Variants in PCDHGA2 observed in about 807,000 individuals in gnomAD.
PCDHGA2 encodes protocadherin gamma subfamily A, 2.
PCDHGA2 carries 40 observed loss-of-function variants against 59.2 expected under a neutral mutation model. The observed-to-expected ratio is 0.68, with a 90% confidence interval of 0.52 to 0.88. The LOEUF (loss-of-function observed/expected upper bound fraction) is 0.88. Ranked by LOEUF, PCDHGA2 falls within the 40% of genes least tolerant of loss-of-function variation. The pLI, the probability that PCDHGA2 is intolerant of heterozygous loss-of-function variation, is 0.00. For missense variants in PCDHGA2, 1,226 were observed against 1,204.0 expected (o/e 1.02, Z -0.27); for synonymous variants, 560 against 526.0 (o/e 1.06, Z -0.89).
chr5:141,369,623 T>A (rs996291828), intron 1 of PCDHGA2, among the ~76,000 whole-genome samples: 4 of 152,224 alleles, frequency 2.6e-5, no homozygotes, highest in Admixed American at 2.6e-4. Flanking sequence ...CATTTCCTCA[T>A]TACCTTTAAC....
intron 1 of PCDHGA2, chr5:141,350,670 T>C (rs970651828): frequency 3.1e-6 from 5 of 1,613,886 alleles, no homozygotes; most frequent in Non-Finnish European, 4.2e-6. Context: ...GGCATTGACT[T>C]AGAAATTTGT....
intron 2 of PCDHGA2, among the ~76,000 whole-genome samples, chr5:141,499,675 T>A (rs1426498530): frequency 2.0e-5 from 3 of 150,746 alleles, no homozygotes; most frequent in African/African-American, 7.3e-5. Flanking sequence ...GTCTCCACCA[T>A]CTTTAACAGA....
chr5:141,383,405 G>C (rs189408749), intron 1 of PCDHGA2: 11 of 1,613,898 alleles, frequency 6.8e-6, no homozygotes, highest in Non-Finnish European at 8.5e-6. Context: ...TCCCTCCAGA[G>C]TTACCAGCTC....
chr5:141,385,620 T>G (rs2090301137), intron 1 of PCDHGA2: 1 of 1,063,712 alleles, frequency 9.4e-7, no homozygotes, highest in Middle Eastern at 3.9e-4. Flanking sequence ...TTTTATACAT[T>G]GGAATGAATC....
At chr5:141,415,562 CT>C in intron 1 of PCDHGA2, 3 of 1,613,960 alleles carry the variant, frequency 1.9e-6, no homozygotes, top group Non-Finnish European at 1.7e-6. Context: ...GATCCTTTGT[CT>C]TTGTTAGATG....
chr5:141,481,362 A>G (rs2099536613), intron 1 of PCDHGA2, among the ~76,000 whole-genome samples: 1 of 152,252 alleles, frequency 6.6e-6, no homozygotes, highest in African/African-American at 2.4e-5. Context: ...CAGCTGTTCA[A>G]TAGATATTGG....
intron 1 of PCDHGA2, chr5:141,399,627 C>T (rs751717107): frequency 1.2e-6 from 2 of 1,613,906 alleles, no homozygotes; most frequent in Non-Finnish European, 1.7e-6. Context: ...TGGCCTCTTA[C>T]GTGTCCATGA....
Position 141,489,368 on chromosome 5 carries a change from C to T in PCDHGA2, c.2425-5439C>T, listed in dbSNP as rs889945954. The T allele has an allele frequency of 1.2e-5, 20 of 1,613,264 alleles. No homozygotes were observed. The highest frequency in any genetic ancestry group is 1.6e-5 in the Non-Finnish European group (19 of 1,179,484). On this transcript the variant is annotated intron_variant, in intron 1 of 3. Transcript: ENST00000394576. The surrounding 1 kb of genome is among the most constrained non-coding windows in gnomAD (Gnocchi z 4.5). The stretch of plus-strand genomic sequence containing the variant: ...GTGGTGGAGGAGTCTGAGCCGGGGA[C>T]GCTGGTGGGGAATGTTGCTCAGGAT...
At chr5:141,365,918 T>C (rs773521729) in intron 1 of PCDHGA2, 8 of 1,613,992 alleles carry the variant, frequency 5.0e-6, no homozygotes, top group Non-Finnish European at 6.8e-6. Flanking sequence ...AGACCTACAG[T>C]TGTGGGTGAC....
chr5:141,338,960 G>T lies in PCDHGA2; in HGVS notation c.-12G>T. On this transcript the variant is annotated 5_prime_UTR_variant, in exon 1 of 4. Coordinates refer to ENST00000394576, the MANE Select transcript of PCDHGA2 (RefSeq NM_018915.4). ...TGGAAGTTGACTCGGAGAAAATTGC[G>T]ACAGGAGGGAAATGGCGGCTCTGCA... The T allele has an allele frequency of 6.6e-7, 1 of 1,524,796 alleles. No individual in the cohort carries two copies. Among genetic ancestry groups the T allele is most frequent in the South Asian group, 1.3e-5 (1 of 76,772 alleles). The allele number at this position is 1,524,796 out of a possible 1,614,324, so 94.5% of individuals were successfully genotyped here.
intron 1 of PCDHGA2, chr5:141,415,033 C>G (rs1207811183): frequency 1.2e-6 from 2 of 1,613,456 alleles, no homozygotes; most frequent in South Asian, 1.1e-5. Flanking sequence ...CGAGCCGGGA[C>G]TCTTCGCGGT....
intron 1 of PCDHGA2, chr5:141,393,987 T>C (rs1361027983): frequency 1.2e-6 from 2 of 1,613,490 alleles, no homozygotes; most frequent in Admixed American, 3.3e-5. Flanking sequence ...TAATTTACCT[T>C]TTAAATTAGA....
chr5:141,485,865 C>A lies in PCDHGA2; in HGVS notation c.2425-8942C>A. ...TCTGGCACCGCAGAGCTCCGGGTAT[C>A]CGTGCTGGACGTAAACGACAACGCC... On this transcript the variant is annotated intron_variant, in intron 1 of 3. Transcript: ENST00000394576. The surrounding 1 kb of genome is among the most constrained non-coding windows in gnomAD (Gnocchi z 5.7). 1 of 1,614,182 alleles carries A rather than the reference C, an allele frequency of 6.2e-7. No homozygotes were observed. The highest frequency in any genetic ancestry group is 8.5e-7 in the Non-Finnish European group (1 of 1,180,034).
At chr5:141,396,661 A>T (rs2093417070) in intron 1 of PCDHGA2, 1 of 152,162 alleles carries the variant, frequency 6.6e-6, no homozygotes, top group Admixed American at 6.5e-5. Flanking sequence ...AACTCGGTAT[A>T]GGCTATCCAT....
At chr5:141,363,369 A>G (rs1274938037) in intron 1 of PCDHGA2, among the ~76,000 whole-genome samples, 1 of 152,198 alleles carries the variant, frequency 6.6e-6, no homozygotes, top group Non-Finnish European at 1.5e-5. Context: ...TTTTCAATCA[A>G]GAGGTTTTTC....
At chr5:141,453,652 T>C (rs1302902554) in intron 1 of PCDHGA2, among the ~76,000 whole-genome samples, 1 of 152,252 alleles carries the variant, frequency 6.6e-6, no homozygotes, top group Non-Finnish European at 1.5e-5. Context: ...TTATGTCCTC[T>C]TCTTTCTTAC....
rs1467125550 is a variant in PCDHGA2 at position 141,511,799 on chromosome 5, T to G, written c.*626T>G. 6.4e-6 allele frequency: 1 copy of G among 157,228 alleles called. No homozygotes were observed. The highest frequency in any genetic ancestry group is 1.4e-5 in the Non-Finnish European group (1 of 70,874). 9.7% of individuals were successfully genotyped at this position (157,228 alleles called of 1,614,324 possible). ...TGCTTGCTGGATTTAGGGAGGGCAT[T>G]TTGCTACCAAGCCTCTTCCCAACGC... On this transcript the variant is annotated 3_prime_UTR_variant, in exon 4 of 4. Coordinates refer to ENST00000394576, the MANE Select transcript of PCDHGA2 (RefSeq NM_018915.4).
At chr5:141,420,406 T>C (rs2096494414) in intron 1 of PCDHGA2, 1 of 1,241,672 alleles carries the variant, frequency 8.1e-7, no homozygotes, top group Non-Finnish European at 1.1e-6. Context: ...AATTTATGGT[T>C]ATCATTATTA....
chr5:141,346,631 G>C, intron 1 of PCDHGA2: 1 of 974,094 alleles, frequency 1.0e-6, no homozygotes, highest in Non-Finnish European at 1.5e-6. Context: ...TCCCCGGTCT[G>C]GTTATGGTTG....
Sources: gnomAD v4.1 joint callset for allele counts (sites outside exome capture counted in the v4.1 genomes callset) on GRCh38, gnomAD v4.1.1 for gene constraint, Gnocchi (gnomAD v3.1) non-coding constraint, MANE v1.5 for transcripts, NCBI Gene and HGNC (gene_info 2026-07-23, HGNC 2026-07-21) for gene names.